The following KIF5C variants were observed in gnomAD, a reference collection of about 807,000 sequenced individuals.
The protein encoded by KIF5C is kinesin family member 5C.
A neutral mutation model predicts 125.2 loss-of-function variants in KIF5C; 18 were observed. The ratio of observed to expected loss-of-function variants is 0.14; its 90% confidence interval spans 0.10 to 0.21. KIF5C has a LOEUF of 0.21. Ranked by LOEUF, KIF5C falls within the 10% of genes least tolerant of loss-of-function variation. KIF5C has a pLI of 1.00. For missense variants in KIF5C, 780 were observed against 1,183.8 expected (o/e 0.66, Z 5.01); for synonymous variants, 405 against 434.0 (o/e 0.93, Z 0.83).
rs568702807 is a variant in KIF5C, at chr2:149,018,641, C to T, written c.*8-4437C>T. 6.6e-5 allele frequency among the ~76,000 whole-genome samples: 10 copies of T among 152,110 alleles called. No homozygotes were observed. In the South Asian group the frequency reaches 1.3e-3, roughly 19 times the overall value. On this transcript the variant is annotated intron_variant, in intron 25 of 25. Transcript: ENST00000435030. The stretch of plus-strand genomic sequence containing the variant: ...GCCAGGCGTTTGAAACCAGCCTTAG[C>T]GAGACTCTGTCTCAATAATAATAAT...
intron 25 of KIF5C, among the ~76,000 whole-genome samples, chr2:149,021,818 C>CTCTA (rs1682542553): frequency 6.6e-6 from 1 of 150,574 alleles, no homozygotes; most frequent in Non-Finnish European, 1.5e-5. Flanking sequence ...AAGGATAAGG[C>CTCTA]TCTACCTCCC....
intron 13 of KIF5C, among the ~76,000 whole-genome samples, chr2:148,980,454 G>C (rs1171800234): frequency 6.6e-6 from 1 of 151,988 alleles, no homozygotes; most frequent in Non-Finnish European, 1.5e-5. Context: ...TGAGAGCGTC[G>C]GCAAGCCCAG....
intron 15 of KIF5C, among the ~76,000 whole-genome samples, chr2:148,990,256 G>A (rs7570374): frequency 0.033 from 5,093 of 152,258 alleles, 259 homozygotes; most frequent in African/African-American, 0.11. Context: ...TAGATCATGC[G>A]GGAATGCTGG....
At chr2:148,887,370 T>A (rs1371810642) in intron 1 of KIF5C, among the ~76,000 whole-genome samples, 1 of 152,208 alleles carries the variant, frequency 6.6e-6, no homozygotes, top group Non-Finnish European at 1.5e-5. Context: ...TCTGATTTTT[T>A]TTTTTGCCTT....
intron 10 of KIF5C, among the ~76,000 whole-genome samples, chr2:148,958,896 A>T (rs1409001558): frequency 1.3e-5 from 2 of 152,018 alleles, no homozygotes; most frequent in Non-Finnish European, 2.9e-5. Context: ...AGGCAGGAGA[A>T]TCACTTGAAC....
intron 7 of KIF5C, 34 bp from the exon 8 acceptor site, chr2:148,946,865 T>C: frequency 1.2e-6 from 2 of 1,606,946 alleles, no homozygotes; most frequent in Non-Finnish European, 1.7e-6. Flanking sequence ...ACCTACATGT[T>C]CTTTGTAGAG....
intron 11 of KIF5C, among the ~76,000 whole-genome samples, chr2:148,968,313 C>T (rs1409475039): frequency 6.6e-6 from 1 of 152,180 alleles, no homozygotes; most frequent in East Asian, 1.9e-4. Context: ...CAGTTCAAAA[C>T]CTGTGAGGCC....
intron 1 of KIF5C, chr2:148,888,392 G>T (rs1252826059): frequency 6.6e-6 from 1 of 152,176 alleles, no homozygotes; most frequent in Admixed American, 6.5e-5. Context: ...CCTCTGCCCC[G>T]CAGGACAAAA....
At position 148,906,844 on chromosome 2, in the gene KIF5C, C is replaced by T. The variant is rs536156724; in HGVS notation, c.127-15293C>T. Reference sequence around the variant, plus strand: ...TCATACCACTGCACTCCAGCCTGGGCGACAGAGCAAGACCCTGCCTCAAAA... The same window carrying T: ...TCATACCACTGCACTCCAGCCTGGGTGACAGAGCAAGACCCTGCCTCAAAA... On this transcript the variant is annotated intron_variant, in intron 1 of 25. Coordinates refer to ENST00000435030, the MANE Select transcript of KIF5C (RefSeq NM_004522.3). Among the ~76,000 whole-genome samples, 132 of 151,888 alleles carry T rather than the reference C, an allele frequency of 8.7e-4. 2 individuals are homozygous for T. In the Middle Eastern group the frequency reaches 0.017, roughly 20 times the overall value.
chr2:148,934,089 AT>A (rs61723793), intron 3 of KIF5C, among the ~76,000 whole-genome samples: 24,769 of 151,128 alleles, frequency 0.16, 3,416 homozygotes, highest in African/African-American at 0.37. Context: ...ACAGACATAT[AT>A]ATCACACACA....
intron 22 of KIF5C, 39 bp downstream of exon 22, chr2:149,005,503 C>A: frequency 1.9e-6 from 3 of 1,607,232 alleles, no homozygotes; most frequent in South Asian, 1.1e-5. Flanking sequence ...AGAAGAAAAT[C>A]AAAGATGGCA....
At chr2:148,985,362 T>G (rs1163482946) in intron 15 of KIF5C, among the ~76,000 whole-genome samples, 3 of 152,208 alleles carry the variant, frequency 2.0e-5, no homozygotes, top group Non-Finnish European at 2.9e-5. Flanking sequence ...GTATACAGTC[T>G]GAGAAATTTT....
At position 148,981,529 on chromosome 2, in the gene KIF5C, G is replaced by A; in HGVS notation, c.1537G>A (p.Glu513Lys). The A allele has an allele frequency of 6.2e-7, 1 of 1,604,444 alleles. No individual in the cohort carries two copies. Among genetic ancestry groups the A allele is most frequent in the Non-Finnish European group, 8.5e-7 (1 of 1,175,598 alleles). ...QEVEDKTRAN[E>K]QLTDELAQKT... ...AGTGGAGGATAAGACCCGGGCCAAT[G>A]AGCAGCTGACAGACGAGCTGGCCCA... Residue 513 changes from glutamate (E) to lysine (K), a missense_variant, in exon 14 of 26, where the codon GAG (glutamate) becomes AAG (lysine). Physicochemically the swap from Glu to Lys is moderately conservative, Grantham distance 56 (BLOSUM62 1). Transcript: ENST00000435030.
rs755065141 is a variant in KIF5C at position 148,876,015 on chromosome 2, G to A, written c.126+272G>A. Among the ~76,000 whole-genome samples the A allele has an allele frequency of 2.8e-4, 42 of 152,080 alleles. No homozygotes were observed. Among genetic ancestry groups the A allele is most frequent in the Non-Finnish European group, 5.3e-4 (36 of 67,982 alleles). On this transcript the variant is annotated intron_variant, in intron 1 of 25. Coordinates refer to ENST00000435030, the MANE Select transcript of KIF5C (RefSeq NM_004522.3). The surrounding 1 kb of genome is among the most constrained non-coding windows in gnomAD (Gnocchi z 4.7). The stretch of plus-strand genomic sequence containing the variant: ...GCTCGGCGCCGCCATTGTTCGCCGG[G>A]TGGGGGCCCGGGTGGGCCCATTGTT...
Position 148,987,908 on chromosome 2 carries a change from G to T in KIF5C, c.1717-3102G>T, listed in dbSNP as rs186033933. ...TTACCTTGGGTGTGGCCTAGGAATG[G>T]CAGTAGTTCATCATCGTGCACAGCC... On this transcript the variant is annotated intron_variant, in intron 15 of 25. Coordinates refer to ENST00000435030, the MANE Select transcript of KIF5C (RefSeq NM_004522.3). Among the ~76,000 whole-genome samples the T allele has an allele frequency of 4.9e-3, 746 of 152,244 alleles. 5 individuals carry two copies. Among genetic ancestry groups the T allele is most frequent in the African/African-American group, 0.015 (604 of 41,534 alleles).
intron 7 of KIF5C, among the ~76,000 whole-genome samples, chr2:148,944,213 G>T (rs1682473497): frequency 6.6e-6 from 1 of 152,136 alleles, no homozygotes; most frequent in Non-Finnish European, 1.5e-5. Context: ...TTTAAAGTGT[G>T]CATTTATGTG....
At chr2:148,964,931 G>A (rs1414574988) in intron 11 of KIF5C, among the ~76,000 whole-genome samples, 1 of 152,172 alleles carries the variant, frequency 6.6e-6, no homozygotes, top group African/African-American at 2.4e-5. Flanking sequence ...GTCTTCCAGG[G>A]ATGAGATGAT....
chr2:148,941,922 C>A lies in KIF5C; in HGVS notation c.446-13C>A. 1 of 1,607,294 alleles carries A rather than the reference C, an allele frequency of 6.2e-7. No homozygotes were observed. Among genetic ancestry groups the A allele is most frequent in the South Asian group, 1.1e-5 (1 of 88,336 alleles). On this transcript the variant is annotated splice_polypyrimidine_tract_variant and intron_variant, in intron 5 of 25. Transcript: ENST00000435030. The stretch of plus-strand genomic sequence containing the variant: ...ATTTTCTTCTTTGCCTGCTGTCATT[C>A]TCATCTTTTTAGTATCCAAGACCAA...
In KIF5C at chr2:148,904,799, T is replaced by C. The variant is rs143447006; in HGVS notation, c.127-17338T>C. 4.1e-4 allele frequency among the ~76,000 whole-genome samples: 62 copies of C among 152,330 alleles called. No individual in the cohort carries two copies. The East Asian group carries it at 9.9e-3, about 24-fold the overall frequency. On this transcript the variant is annotated intron_variant, in intron 1 of 25. Transcript: ENST00000435030. ...ACAGAGGAAGGAGAACTAACTCTAG[T>C]ATTTAGTAGGAAAATTATCTTTGTA...
Sources: gnomAD v4.1 joint callset for allele counts (sites outside exome capture counted in the v4.1 genomes callset) on GRCh38, gnomAD v4.1.1 for gene constraint, Gnocchi (gnomAD v3.1) non-coding constraint, MANE v1.5 for transcripts, NCBI Gene and HGNC (gene_info 2026-07-23, HGNC 2026-07-21) for gene names.